Variants in PTPN4 observed in about 807,000 individuals in gnomAD.
PTPN4 encodes tyrosine-protein phosphatase non-receptor type 4.
In PTPN4, 49 loss-of-function variants were observed where a neutral mutation model predicts 135.5. That is an observed-to-expected ratio of 0.36 (90% CI 0.29 to 0.46). The LOEUF (loss-of-function observed/expected upper bound fraction) is 0.46. Ranked by LOEUF, PTPN4 falls within the 20% of genes least tolerant of loss-of-function variation. The pLI is 1.00. For synonymous variants in PTPN4, 333 were observed against 369.9 expected (o/e 0.90, Z 1.14); for missense variants, 860 against 1,101.0 (o/e 0.78, Z 3.10).
Position 119,957,032 on chromosome 2 carries a change from C to G in PTPN4, c.2088C>G (p.Val696=). ...TTTTTTTAGATGATGCCACACGGGTCATTTTAAAAGGTAATGAAGACTACA... is the reference window on the plus strand; with the variant it reads ...TTTTTTTAGATGATGCCACACGGGTGATTTTAAAAGGTAATGAAGACTACA... The part of the protein sequence containing the change: ...RDISPYDATR[V]ILKGNEDYIN... Residue 696 remains valine, a synonymous_variant, in exon 22 of 27, where the codon GTC becomes GTG. Coordinates refer to ENST00000263708, the MANE Select transcript of PTPN4 (RefSeq NM_002830.4). 6.2e-7 allele frequency: 1 copy of G among 1,610,630 alleles called. No individual in the cohort carries two copies. Among genetic ancestry groups the G allele is most frequent in the Non-Finnish European group, 8.5e-7 (1 of 1,178,586 alleles).
In PTPN4 at chr2:119,789,097, T is replaced by C. The variant is rs189793186; in HGVS notation, c.-17-20740T>C. On this transcript the variant is annotated intron_variant, in intron 1 of 26. Transcript: ENST00000263708. ...CTTGTTATTTTTCTTTTTTCTTTTT[T>C]TTTTTTTAAAGTAGTAACCATCTAA... is the stretch of plus-strand genomic sequence containing the variant. 2.6e-3 allele frequency among the ~76,000 whole-genome samples: 397 copies of C among 152,118 alleles called. 1 individual carries two copies. The highest frequency in any genetic ancestry group is 4.7e-3 in the Admixed American group (72 of 15,280).
At chr2:119,883,374 C>G (rs955307369) in intron 8 of PTPN4, among the ~76,000 whole-genome samples, 1 of 152,062 alleles carries the variant, frequency 6.6e-6, no homozygotes, top group Admixed American at 6.5e-5. Context: ...GAAACACTTA[C>G]GATCCCAAGC....
At chr2:119,957,190 A>G (rs565257706) in intron 22 of PTPN4, 113 bp downstream of exon 22, 26 of 966,482 alleles carry the variant, frequency 2.7e-5, no homozygotes, top group Admixed American at 5.4e-5. Flanking sequence ...ACTTTCAGCT[A>G]TGAAAAATAT....
At chr2:119,784,794 T>C (rs1305471423) in intron 1 of PTPN4, among the ~76,000 whole-genome samples, 1 of 145,962 alleles carries the variant, frequency 6.9e-6, no homozygotes, top group Non-Finnish European at 1.5e-5. Context: ...CGCCTCAGCC[T>C]ACCAAAGTGC....
At chr2:119,904,110 G>A (rs1485415191) in intron 10 of PTPN4, among the ~76,000 whole-genome samples, 1 of 151,796 alleles carries the variant, frequency 6.6e-6, no homozygotes, top group Non-Finnish European at 1.5e-5. Flanking sequence ...ATAAATGCCT[G>A]AAAAATAAAA....
chr2:119,926,130 A>ATT (rs1159155905), intron 12 of PTPN4, among the ~76,000 whole-genome samples: 1 of 152,204 alleles, frequency 6.6e-6, no homozygotes, highest in Non-Finnish European at 1.5e-5. Context: ...TATACCGCAA[A>ATT]TTTATGTTAA....
intron 13 of PTPN4, among the ~76,000 whole-genome samples, chr2:119,929,387 G>C (rs1416196443): frequency 6.6e-6 from 1 of 152,000 alleles, no homozygotes; most frequent in East Asian, 1.9e-4. Context: ...TGAGTAGATA[G>C]AAAAGGCTCC....
intron 2 of PTPN4, among the ~76,000 whole-genome samples, chr2:119,852,235 G>T (rs545405170): frequency 6.6e-6 from 1 of 152,020 alleles, no homozygotes; most frequent in Non-Finnish European, 1.5e-5. Flanking sequence ...CAGATTGCGC[G>T]TTTACCCTAT....
chr2:119,941,664 C>G (rs1288082733), intron 15 of PTPN4, among the ~76,000 whole-genome samples: 3 of 152,200 alleles, frequency 2.0e-5, no homozygotes, highest in Admixed American at 1.3e-4. Flanking sequence ...GCAGGTAGCT[C>G]TGTCCTGAAA....
chr2:119,792,768 A>C (rs953127933), intron 1 of PTPN4, among the ~76,000 whole-genome samples: 11 of 152,150 alleles, frequency 7.2e-5, no homozygotes, highest in Non-Finnish European at 1.6e-4. Flanking sequence ...AAGAGTACAA[A>C]AGAGAGAGAT....
At chr2:119,889,728 T>G (rs1254715090) in intron 9 of PTPN4, among the ~76,000 whole-genome samples, 1 of 152,192 alleles carries the variant, frequency 6.6e-6, no homozygotes, top group Admixed American at 6.5e-5. Flanking sequence ...CTTGTAATCT[T>G]TCTCCTTTTT....
chr2:119,915,830 T>C (rs1678645345), intron 11 of PTPN4: 1 of 152,180 alleles, frequency 6.6e-6, no homozygotes, highest in Non-Finnish European at 1.5e-5. Context: ...TGAGAAGTCT[T>C]GGCAAATTCA....
At chr2:119,897,274 C>G (rs1275915290) in intron 9 of PTPN4, among the ~76,000 whole-genome samples, 1 of 152,068 alleles carries the variant, frequency 6.6e-6, no homozygotes, top group Non-Finnish European at 1.5e-5. Flanking sequence ...GCTTTGATAG[C>G]TTTTATGCTA....
chr2:119,835,844 T>A (rs955456775), intron 2 of PTPN4, among the ~76,000 whole-genome samples: 1 of 151,894 alleles, frequency 6.6e-6, no homozygotes, highest in Non-Finnish European at 1.5e-5. Context: ...CCAAGGCGGG[T>A]GGATCACGAG....
At chr2:119,899,531 A>G (rs1303242904) in intron 9 of PTPN4, among the ~76,000 whole-genome samples, 1 of 152,232 alleles carries the variant, frequency 6.6e-6, no homozygotes, top group Admixed American at 6.5e-5. Flanking sequence ...ACATATGTTC[A>G]TATGTTATAG....
At chr2:119,922,100 G>A (rs77369832) in intron 12 of PTPN4, among the ~76,000 whole-genome samples, 3 of 151,776 alleles carry the variant, frequency 2.0e-5, no homozygotes, top group Non-Finnish European at 1.5e-5. Context: ...ATTTACATAC[G>A]GTGACTTCAA....
chr2:119,973,806 G>C (rs1574428267), intron 26 of PTPN4, among the ~76,000 whole-genome samples: 1 of 151,792 alleles, frequency 6.6e-6, no homozygotes, highest in Non-Finnish European at 1.5e-5. Flanking sequence ...TGTATGGCTT[G>C]AGCATCTTAG....
chr2:119,888,442 T>C (rs1678191756), intron 9 of PTPN4, among the ~76,000 whole-genome samples: 1 of 152,212 alleles, frequency 6.6e-6, no homozygotes, highest in South Asian at 2.1e-4. Flanking sequence ...GGGGGAACAA[T>C]TTCAACTTTT....
chr2:119,826,372 T>G (rs1456614972), intron 2 of PTPN4, among the ~76,000 whole-genome samples: 8 of 152,222 alleles, frequency 5.3e-5, no homozygotes, highest in Non-Finnish European at 1.2e-4. Flanking sequence ...TGTACAAGGA[T>G]AGTGTTTAGC....
Sources: gnomAD v4.1 joint callset for allele counts (sites outside exome capture counted in the v4.1 genomes callset) on GRCh38, gnomAD v4.1.1 for gene constraint, MANE v1.5 for transcripts, NCBI Gene and HGNC (gene_info 2026-07-23, HGNC 2026-07-21) for gene names.